ATPSCKMT: variants seen among roughly 807,000 people sequenced by gnomAD.
ATPSCKMT encodes ATP synthase c subunit lysine N-methyltransferase.
A neutral mutation model predicts 24.3 loss-of-function variants in ATPSCKMT; 24 were observed. The observed-to-expected ratio is 0.99, with a 90% CI of 0.71 to 1.39. The LOEUF (loss-of-function observed/expected upper bound fraction) is 1.39. Ranked by LOEUF, ATPSCKMT falls within the 40% of genes most tolerant of loss-of-function variation. The probability of loss-of-function intolerance (pLI) is 0.00; values close to 1 mark genes in which losing one functional copy is unlikely to be tolerated. For synonymous variants in ATPSCKMT, 95 were observed against 110.5 expected (o/e 0.86, Z 0.88); for missense variants, 311 against 298.4 (o/e 1.04, Z -0.31).
At chr5:10,245,205 G>A (rs1444968073) in intron 1 of ATPSCKMT, among the ~76,000 whole-genome samples, 1 of 152,136 alleles carries the variant, frequency 6.6e-6, no homozygotes, top group Non-Finnish European at 1.5e-5. Context: ...CAGATCATGA[G>A]GTCAGGAGAT....
intron 1 of ATPSCKMT, among the ~76,000 whole-genome samples, chr5:10,242,451 C>T (rs973510612): frequency 6.6e-6 from 1 of 152,208 alleles, no homozygotes; most frequent in Non-Finnish European, 1.5e-5. Flanking sequence ...TGCAGCAACT[C>T]AGTCTCATCT....
intron 1 of ATPSCKMT, among the ~76,000 whole-genome samples, chr5:10,245,058 G>A (rs1744838614): frequency 6.6e-6 from 1 of 152,146 alleles, no homozygotes; most frequent in Admixed American, 6.5e-5. Context: ...TTAATTAGTT[G>A]TTTAACACAA....
At chr5:10,244,400 A>G (rs568271916) in intron 1 of ATPSCKMT, 3 of 152,332 alleles carry the variant, frequency 2.0e-5, no homozygotes, top group Admixed American at 2.0e-4. Flanking sequence ...GTTTGTAAGA[A>G]GCACACTACT....
intron 1 of ATPSCKMT, 152 bp downstream of exon 1, chr5:10,249,706 C>A (rs990908940): frequency 2.4e-6 from 3 of 1,248,962 alleles, no homozygotes; most frequent in Non-Finnish European, 3.3e-6. Context: ...CGACCAGGAG[C>A]TCTGGTCACC....
chr5:10,239,119 A>G lies in ATPSCKMT; in HGVS notation c.254T>C (p.Leu85Ser), dbSNP rs1417519214. Residue 85 changes from leucine to serine, a missense_variant, in exon 2 of 5, where the codon TTG (leucine) becomes TCG (serine). Transcript: ENST00000511437. Reference sequence around the variant, plus strand: ...CACAAGGGATCCTCTTCGGCATCGCAACATTTTCACAACATTTTCAATCTG... The same window carrying G: ...CACAAGGGATCCTCTTCGGCATCGCGACATTTTCACAACATTTTCAATCTG... ...TKQIENVVKM[L>S]RCRRGSLVDI... 1 of 1,614,220 alleles carries G rather than the reference A, an allele frequency of 6.2e-7. No individual in the cohort carries two copies. Among genetic ancestry groups the G allele is most frequent in the Admixed American group, 1.7e-5 (1 of 60,022 alleles).
intron 4 of ATPSCKMT, among the ~76,000 whole-genome samples, chr5:10,228,446 TAA>T (rs1452393396): frequency 1.3e-5 from 2 of 152,218 alleles, no homozygotes; most frequent in African/African-American, 4.8e-5. Flanking sequence ...AATCTACCAA[TAA>T]AGAGTTTTTA....
chr5:10,237,048 T>G lies in ATPSCKMT; in HGVS notation c.307-433A>C, dbSNP rs16884356. The G allele has an allele frequency of 2.1e-4, 269 of 1,281,046 alleles. 4 individuals are homozygous for G. In the East Asian group the frequency reaches 0.012, roughly 58 times the overall value. The allele number at this position is 1,281,046 out of a possible 1,614,324, so 79.4% of individuals were successfully genotyped here. A position where few individuals can be genotyped will look rare whatever the true frequency, so the allele number is the denominator to read the frequency against. ...ATATGCAATAAAAATAACCTGTCAA[T>G]GAAAAATCTGCAATTAGTTACATAT... On this transcript the variant is annotated intron_variant, in intron 2 of 4. Transcript: ENST00000511437.
chr5:10,243,481 G>GA (rs200479071), intron 1 of ATPSCKMT, among the ~76,000 whole-genome samples: 39,248 of 143,536 alleles, frequency 0.27, 6,426 homozygotes, highest in East Asian at 0.73. Flanking sequence ...CGTCTCAAAA[G>GA]AAAAAAAAAA....
chr5:10,242,327 A>T (rs192954910), intron 1 of ATPSCKMT, among the ~76,000 whole-genome samples: 1 of 152,294 alleles, frequency 6.6e-6, no homozygotes, highest in Non-Finnish European at 1.5e-5. Context: ...CTTTGTCATC[A>T]TTTCAACAAT....
Position 10,226,021 on chromosome 5 carries a change from AG to A in ATPSCKMT, c.*1419del, listed in dbSNP as rs1485027491. ...ATAAGAAGACTGGAGCTACTGAAAAAGGGACAGACACTAGCTGCCAAAAACC... is the reference window on the plus strand; with the variant it reads ...ATAAGAAGACTGGAGCTACTGAAAAAGGACAGACACTAGCTGCCAAAAACC... On this transcript the variant is annotated 3_prime_UTR_variant, in exon 5 of 5. Coordinates refer to ENST00000511437, the MANE Select transcript of ATPSCKMT (RefSeq NM_199133.4). Among the ~76,000 whole-genome samples, 2 of 152,208 alleles carry A rather than the reference AG, an allele frequency of 1.3e-5. No homozygotes were observed. The highest frequency in any genetic ancestry group is 2.9e-5 in the Non-Finnish European group (2 of 68,042).
intron 2 of ATPSCKMT, among the ~76,000 whole-genome samples, chr5:10,238,790 A>G (rs753691936): frequency 5.3e-5 from 8 of 152,216 alleles, no homozygotes; most frequent in Non-Finnish European, 8.8e-5. Context: ...CTGTTGGCCC[A>G]TGTATTTTAA....
intron 1 of ATPSCKMT, among the ~76,000 whole-genome samples, chr5:10,247,774 G>A (rs1427225280): frequency 6.6e-6 from 1 of 152,202 alleles, no homozygotes; most frequent in Non-Finnish European, 1.5e-5. Flanking sequence ...GGTGTTCTTT[G>A]GAACAAGGAG....
At chr5:10,232,745 A>T (rs73741333) in intron 4 of ATPSCKMT, among the ~76,000 whole-genome samples, 2,269 of 152,312 alleles carry the variant, frequency 0.015, 67 homozygotes, top group African/African-American at 0.052. Context: ...AGCTGAGGGC[A>T]GCATGGCCCA....
intron 2 of ATPSCKMT, chr5:10,237,062 T>G: frequency 8.0e-7 from 1 of 1,255,420 alleles, no homozygotes; most frequent in South Asian, 1.2e-5. Context: ...AAATCTGCAA[T>G]TAGTTACATA....
At chr5:10,242,804 C>A (rs1744709630) in intron 1 of ATPSCKMT, among the ~76,000 whole-genome samples, 1 of 152,164 alleles carries the variant, frequency 6.6e-6, no homozygotes. Context: ...TGTTGACAGG[C>A]ATGAAAACAA....
rs1398559134 is a variant in ATPSCKMT at position 10,235,125 on chromosome 5, T to C, written c.495+86A>G. 4 of 1,255,536 alleles carry C rather than the reference T, an allele frequency of 3.2e-6. No homozygotes were observed. In the African/African-American group the frequency reaches 6.0e-5, roughly 19 times the overall value. 77.8% of individuals were successfully genotyped at this position (1,255,536 alleles called of 1,614,324 possible). ...TAAAATCTCTGGGAGGCCATCACCCTCACACGGGTGAGTGGTGGTGTTGTG... is the reference window on the plus strand; with the variant it reads ...TAAAATCTCTGGGAGGCCATCACCCCCACACGGGTGAGTGGTGGTGTTGTG... On this transcript the variant is annotated intron_variant, in intron 4 of 4. Coordinates refer to ENST00000511437, the MANE Select transcript of ATPSCKMT (RefSeq NM_199133.4).
At chr5:10,245,734 G>T (rs181976632) in intron 1 of ATPSCKMT, among the ~76,000 whole-genome samples, 1 of 148,930 alleles carries the variant, frequency 6.7e-6, no homozygotes, top group East Asian at 2.0e-4. Flanking sequence ...GTGACAGAGT[G>T]AGACCTCATT....
Position 10,249,636 on chromosome 5 carries a change from G to A in ATPSCKMT, c.16+222C>T. 4.5e-6 allele frequency: 3 copies of A among 663,520 alleles called. No individual in the cohort carries two copies. In the East Asian group the frequency reaches 8.8e-5, roughly 19 times the overall value. The allele number at this position is 663,520 out of a possible 1,614,324, so 41.1% of individuals were successfully genotyped here. On this transcript the variant is annotated intron_variant, in intron 1 of 4. Transcript: ENST00000511437. ...CACTTGCACTAAGTAGCCTAGAACA[G>A]TCTCTGGGGAAACGCGCCCGCCGAC...
At chr5:10,232,387 G>A (rs1407968614) in intron 4 of ATPSCKMT, among the ~76,000 whole-genome samples, 1 of 152,196 alleles carries the variant, frequency 6.6e-6, no homozygotes, top group Non-Finnish European at 1.5e-5. Context: ...TGGAGGCCTG[G>A]GCCAGCTAGA....
Sources: allele counts gnomAD v4.1 joint callset (sites outside exome capture counted in the v4.1 genomes callset), GRCh38; gene constraint gnomAD v4.1.1; transcripts MANE v1.5; gene names NCBI Gene and HGNC (gene_info 2026-07-23, HGNC 2026-07-21).